The following ASXL1 variants were observed in gnomAD, a reference collection of about 807,000 sequenced individuals.
ASXL1 encodes the protein polycomb group protein ASXL1.
ASXL1 carries 65 observed loss-of-function variants against 89.1 expected under a neutral mutation model. That is an observed-to-expected ratio of 0.73 (90% confidence interval 0.60 to 0.90). The LOEUF (loss-of-function observed/expected upper bound fraction) is 0.90. Ranked by LOEUF, ASXL1 falls within the 40% of genes least tolerant of loss-of-function variation. The pLI, the probability that ASXL1 is intolerant of heterozygous loss-of-function variation, is 0.00. For synonymous variants in ASXL1, 739 were observed against 746.9 expected (o/e 0.99, Z 0.17); for missense variants, 1,786 against 1,942.9 (o/e 0.92, Z 1.52).
chr20:32,436,921 C>T lies in ASXL1; in HGVS notation c.4209C>T (p.Pro1403=). The T allele has an allele frequency of 6.2e-7, 1 of 1,614,178 alleles. No homozygotes were observed. The highest frequency in any genetic ancestry group is 1.7e-5 in the Admixed American group (1 of 60,034). ...TGGTGGGTCACTTGGAAGGGATGCC[C>T]TTTGTCATGGACTTGCCCTTCTGGA... The part of the protein sequence containing the change: ...LELVGHLEGM[P]FVMDLPFWKL... Residue 1403 remains proline, a synonymous_variant, in exon 13 of 13, where the codon CCC becomes CCT. Coordinates refer to ENST00000375687, the MANE Select transcript of ASXL1 (RefSeq NM_015338.6).
Position 32,388,210 on chromosome 20 carries a change from T to C in ASXL1, c.252+19087T>C, listed in dbSNP as rs537224600. Among the ~76,000 whole-genome samples the C allele has an allele frequency of 6.6e-5, 10 of 152,304 alleles. No homozygotes were observed. The South Asian group carries it at 2.1e-3, about 32-fold the overall frequency. ...TTTATTTTGAGACAGAGTCTTGCTC[T>C]GTCACCCCAGCTGGAATGCGGTGGC... On this transcript the variant is annotated intron_variant, in intron 4 of 12. Coordinates refer to ENST00000375687, the MANE Select transcript of ASXL1 (RefSeq NM_015338.6).
intron 4 of ASXL1, among the ~76,000 whole-genome samples, chr20:32,408,828 C>T (rs1193908168): frequency 6.6e-6 from 1 of 152,050 alleles, no homozygotes; most frequent in African/African-American, 2.4e-5. Context: ...ATTAACTTCT[C>T]AACAGCATTT....
rs587778060 is a variant in ASXL1 at position 32,436,529 on chromosome 20, C to G, written c.3817C>G (p.Arg1273Gly). Residue 1273 changes from arginine to glycine, a missense_variant, in exon 13 of 13, where the codon CGT becomes GGT. Transcript: ENST00000375687. ...AGATCTTACTACCTCGAGAACACCT[C>G]GTTTCTCATCTCCAAATGTGATCTC... ...PGDLTTSRTP[R>G]FSSPNVISFG... 1 of 1,614,230 alleles carries G rather than the reference C, an allele frequency of 6.2e-7. No individual in the cohort carries two copies. Among genetic ancestry groups the G allele is most frequent in the Non-Finnish European group, 8.5e-7 (1 of 1,180,050 alleles).
In ASXL1 at chr20:32,430,047, G is replaced by A; in HGVS notation, c.712G>A (p.Ala238Thr). 6.2e-7 allele frequency: 1 copy of A among 1,604,708 alleles called. No individual in the cohort carries two copies. The change falls in exon 8 of 13, where the codon GCC (alanine) becomes ACC (threonine). Residue 238 changes from alanine to threonine, a missense_variant. Transcript: ENST00000375687. ...GCTCCTGAGAGGCTTCCGGAAGCCA[G>A]CCACAGGTGAGTGGCGTGGCACTTA... is the stretch of plus-strand genomic sequence containing the variant. Reference protein sequence around the residue: ...APLLRGFRKPATGQMKRNRGE... With the variant: ...APLLRGFRKPTTGQMKRNRGE...
intron 4 of ASXL1, among the ~76,000 whole-genome samples, chr20:32,406,455 G>A (rs1291264889): frequency 2.0e-5 from 3 of 152,172 alleles, no homozygotes; most frequent in Non-Finnish European, 4.4e-5. Flanking sequence ...GGAGGCTGAG[G>A]TGGGAGGATC....
chr20:32,370,611 A>G (rs1313392709), intron 4 of ASXL1, among the ~76,000 whole-genome samples: 1 of 152,072 alleles, frequency 6.6e-6, no homozygotes, highest in Admixed American at 6.6e-5. Flanking sequence ...GTCAGTACAA[A>G]CTTTTTCCTT....
chr20:32,367,296 C>T (rs978204364), intron 2 of ASXL1, among the ~76,000 whole-genome samples: 2 of 152,154 alleles, frequency 1.3e-5, no homozygotes, highest in Admixed American at 1.3e-4. Context: ...TGGAGAATCG[C>T]TTGAACTCAG....
chr20:32,373,145 G>A (rs2048327198), intron 4 of ASXL1, among the ~76,000 whole-genome samples: 1 of 151,498 alleles, frequency 6.6e-6, no homozygotes, highest in Non-Finnish European at 1.5e-5. Context: ...GGGAGGCCGA[G>A]GTGGGTGAAT....
At chr20:32,402,847 C>T (rs2048898196) in intron 4 of ASXL1, among the ~76,000 whole-genome samples, 1 of 152,114 alleles carries the variant, frequency 6.6e-6, no homozygotes, top group Admixed American at 6.5e-5. Flanking sequence ...TTGTTGGATA[C>T]GTGATTTGCA....
At chr20:32,411,076 G>A (rs2049036448) in intron 4 of ASXL1, among the ~76,000 whole-genome samples, 1 of 143,642 alleles carries the variant, frequency 7.0e-6, no homozygotes, top group African/African-American at 2.6e-5. Context: ...TTAGTACTCT[G>A]AGAGTTGTTG....
At chr20:32,367,766 C>T in intron 3 of ASXL1, 37 bp downstream of exon 3, 2 of 780,662 alleles carry the variant, frequency 2.6e-6, no homozygotes, top group Non-Finnish European at 4.8e-6. Context: ...GAATTGAGAA[C>T]CTTAACTTGT....
intron 4 of ASXL1, among the ~76,000 whole-genome samples, chr20:32,419,541 T>C (rs920488805): frequency 5.3e-4 from 81 of 152,282 alleles, no homozygotes; most frequent in African/African-American, 1.8e-3. Context: ...AAGTTTTATG[T>C]TTTCTTCATA....
intron 4 of ASXL1, among the ~76,000 whole-genome samples, chr20:32,393,718 C>T (rs542868453): frequency 1.1e-3 from 170 of 152,290 alleles, no homozygotes; most frequent in African/African-American, 3.6e-3. Flanking sequence ...GATCCGCCCA[C>T]CTCAGCCTCC....
chr20:32,410,567 A>G (rs2049025636), intron 4 of ASXL1, among the ~76,000 whole-genome samples: 1 of 152,164 alleles, frequency 6.6e-6, no homozygotes, highest in Non-Finnish European at 1.5e-5. Flanking sequence ...TTCTCTCTCA[A>G]AATACTGTAA....
At chr20:32,400,103 A>AT in intron 4 of ASXL1, among the ~76,000 whole-genome samples, 1 of 7,190 alleles carries the variant, frequency 1.4e-4, no homozygotes, top group Admixed American at 2.1e-3. Context: ...GATTTGGTTT[A>AT]AAAAAAAATC....
chr20:32,428,487 C>A, intron 6 of ASXL1, 65 bp downstream of exon 6: 1 of 1,423,766 alleles, frequency 7.0e-7, no homozygotes, highest in South Asian at 1.2e-5. Context: ...AAGATCCCTC[C>A]TTCTCCTGTA....
intron 4 of ASXL1, among the ~76,000 whole-genome samples, chr20:32,414,072 G>GT (rs964475892): frequency 1.6e-4 from 25 of 151,826 alleles, no homozygotes; most frequent in Non-Finnish European, 2.9e-4. Context: ...GATATCGTGT[G>GT]TTTTTTTTGA....
rs1234586345 is a variant in ASXL1 at position 32,429,720 on chromosome 20, G to T, written c.566-181G>T. 3.4e-6 allele frequency: 3 copies of T among 869,810 alleles called. No homozygotes were observed. Among genetic ancestry groups the T allele is most frequent in the Non-Finnish European group, 5.2e-6 (3 of 573,816 alleles). 53.9% of individuals were successfully genotyped at this position (869,810 alleles called of 1,614,324 possible). On this transcript the variant is annotated intron_variant, in intron 7 of 12. Transcript: ENST00000375687. This position sits in a 1 kb window ranked among gnomAD's most constrained non-coding sequence, Gnocchi z 4.9. ...AAATAAAGATGGCAGTTTGGCACCT[G>T]TAAGGTGATATTTTAAAGCCAGACC...
At chr20:32,397,688 C>A (rs2048794158) in intron 4 of ASXL1, among the ~76,000 whole-genome samples, 1 of 150,812 alleles carries the variant, frequency 6.6e-6, no homozygotes, top group Admixed American at 6.6e-5. Context: ...CGTGAGCCAC[C>A]ATGCCAAGCC....
Sources: allele counts gnomAD v4.1 joint callset (sites outside exome capture counted in the v4.1 genomes callset), GRCh38; gene constraint gnomAD v4.1.1; non-coding constraint Gnocchi (gnomAD v3.1); transcripts MANE v1.5; gene names NCBI Gene and HGNC (gene_info 2026-07-23, HGNC 2026-07-21).